ARSH: variants seen among roughly 807,000 people sequenced by gnomAD.
ARSH encodes the protein arylsulfatase H.
A neutral mutation model predicts 28.7 loss-of-function variants in ARSH; 32 were observed. The observed-to-expected ratio is 1.11, with a 90% confidence interval of 0.84 to 1.50. The LOEUF is 1.50. ARSH is among the 40% of genes most tolerant of loss of function. ARSH has a pLI of 0.00. For synonymous variants in ARSH, 176 were observed against 177.3 expected (o/e 0.99, Z 0.06); for missense variants, 440 against 452.4 (o/e 0.97, Z 0.25).
At chrX:3,027,216 C>T (rs1462965270) in intron 6 of ARSH, 97 bp from the exon 7 acceptor site, 15 of 968,243 alleles carry the variant, frequency 1.5e-5, no homozygotes, top group Non-Finnish European at 2.1e-5. Flanking sequence ...CACCTCGGCC[C>T]CCCAAAGTGC....
chrX:3,022,547 G>A (rs2089887183), intron 5 of ARSH, among the ~76,000 whole-genome samples: 1 of 111,995 alleles, frequency 8.9e-6, no homozygotes, highest in African/African-American at 3.2e-5. Context: ...TAGAAATGCA[G>A]TGTGACCTCA....
At chrX:3,013,903 G>C (rs1343849382) in intron 3 of ARSH, among the ~76,000 whole-genome samples, 1 of 111,419 alleles carries the variant, frequency 9.0e-6, no homozygotes, top group Non-Finnish European at 1.9e-5. Flanking sequence ...TTTGAGCAGC[G>C]TTCTTACATC....
chrX:3,013,495 T>C (rs1162970146), intron 3 of ARSH, among the ~76,000 whole-genome samples: 1 of 106,232 alleles, frequency 9.4e-6, no homozygotes, highest in African/African-American at 3.5e-5. Context: ...GAAGTACTGT[T>C]GAAATGGGAA....
At chrX:3,024,859 A>T (rs984771061) in intron 6 of ARSH, among the ~76,000 whole-genome samples, 1 of 110,975 alleles carries the variant, frequency 9.0e-6, no homozygotes, top group African/African-American at 3.3e-5. Flanking sequence ...CAACAGAAAG[A>T]ATAATTTAAA....
chrX:3,008,602 T>G (rs1368339943), intron 1 of ARSH, among the ~76,000 whole-genome samples: 2 of 107,760 alleles, frequency 1.9e-5, no homozygotes, highest in Non-Finnish European at 3.8e-5. Flanking sequence ...CAGACTGGAG[T>G]GCAGTGGCAT....
At position 3,027,462 on chromosome X, in the gene ARSH, T is replaced by G; in HGVS notation, c.1186T>G (p.Leu396Val). The G allele has an allele frequency of 8.3e-7, 1 of 1,211,047 alleles. No individual in the cohort carries two copies. The highest frequency in any genetic ancestry group is 1.1e-6 in the Non-Finnish European group (1 of 895,068). Residue 396 changes from leucine to valine, a missense_variant, in exon 7 of 9, where the codon TTG becomes GTG. Transcript: ENST00000381130. ...PTLSYIGGGILSQDRVIDGQN... is the reference protein window; with the variant it reads ...PTLSYIGGGIVSQDRVIDGQN... ...GCTGTCTTATATAGGCGGAGGGATC[T>G]TGTCCCAGGACAGGTATGGAAACAG...
At chrX:3,022,619 A>G (rs1397510421) in intron 5 of ARSH, among the ~76,000 whole-genome samples, 1 of 112,189 alleles carries the variant, frequency 8.9e-6, no homozygotes, top group African/African-American at 3.2e-5. Context: ...AAGGAAATGA[A>G]TGTTGTTTGG....
chrX:3,022,319 C>T (rs1046174287), intron 5 of ARSH, among the ~76,000 whole-genome samples: 45 of 111,591 alleles, frequency 4.0e-4, no homozygotes, highest in African/African-American at 1.4e-3. Flanking sequence ...TTATGCTGTT[C>T]CCAGAAAGCC....
chrX:3,015,305 A>T lies in ARSH; in HGVS notation c.676A>T (p.Met226Leu). The change falls in exon 4 of 9, where the codon ATG (methionine) becomes TTG (leucine). Residue 226 changes from methionine (M) to leucine (L), a missense_variant. Transcript: ENST00000381130. The stretch of plus-strand genomic sequence containing the variant: ...TACTCGACGTTGGAATTGCATCCTT[A>T]TGAGGAACCATGAAATTATCCAGCA... The part of the protein sequence containing the change: ...GFTRRWNCIL[M>L]RNHEIIQQPM... 1 of 1,211,395 alleles carries T rather than the reference A, an allele frequency of 8.3e-7. No individual in the cohort carries two copies. The highest frequency in any genetic ancestry group is 1.1e-6 in the Non-Finnish European group (1 of 895,367).
chrX:3,012,045 A>G (rs927303768), intron 2 of ARSH, among the ~76,000 whole-genome samples: 7 of 111,173 alleles, frequency 6.3e-5, no homozygotes, highest in African/African-American at 2.3e-4. Flanking sequence ...GTTTCACCAT[A>G]TTAGCCAGGC....
At chrX:3,012,568 A>AAAAT (rs2089851233) in intron 2 of ARSH, among the ~76,000 whole-genome samples, 2 of 21,810 alleles carry the variant, frequency 9.2e-5, no homozygotes, top group African/African-American at 2.5e-4. Context: ...AAAAAAAAAA[A>AAAAT]ATATATATAT....
chrX:3,007,118 G>A (rs1433702718), intron 1 of ARSH, among the ~76,000 whole-genome samples: 2 of 109,305 alleles, frequency 1.8e-5, no homozygotes, highest in Admixed American at 9.8e-5. Flanking sequence ...ACATGGTGGC[G>A]TGTGTCTGTG....
chrX:3,023,112 A>G (rs2089888729), intron 5 of ARSH, among the ~76,000 whole-genome samples: 2 of 105,322 alleles, frequency 1.9e-5, no homozygotes, highest in African/African-American at 6.8e-5. Context: ...TTGTATATGA[A>G]CTATTCTACA....
intron 7 of ARSH, among the ~76,000 whole-genome samples, 165 bp from the exon 8 acceptor site, chrX:3,029,077 CAAAAA>C (rs377018684): frequency 1.2e-5 from 1 of 81,029 alleles, no homozygotes; most frequent in Non-Finnish European, 2.5e-5. Context: ...GACTCCATTT[CAAAAA>C]AAAAAAAAAA....
intron 4 of ARSH, among the ~76,000 whole-genome samples, chrX:3,015,785 T>C (rs1321527875): frequency 9.1e-6 from 1 of 109,706 alleles, no homozygotes; most frequent in Non-Finnish European, 1.9e-5. Context: ...TAGACCCACG[T>C]AACAAACTGG....
intron 1 of ARSH, among the ~76,000 whole-genome samples, chrX:3,008,486 T>TTTCTTTCTTTCTTTCTTTCTTTCTTTC (rs1285794340): frequency 2.9e-5 from 3 of 103,027 alleles, no homozygotes; most frequent in Admixed American, 2.2e-4. Flanking sequence ...TCTTTCTTTC[T>TTTCTTTCTTTCTTTCTTTCTTTCTTTC]TTCTTTCTTT....
At chrX:3,011,022 T>A (rs2089845079) in intron 2 of ARSH, among the ~76,000 whole-genome samples, 1 of 111,380 alleles carries the variant, frequency 9.0e-6, no homozygotes, top group Non-Finnish European at 1.9e-5. Flanking sequence ...TAAAAGTTTT[T>A]GTCCCATAAA....
At chrX:3,023,824 A>G (rs1195335676) in intron 5 of ARSH, among the ~76,000 whole-genome samples, 197 bp from the exon 6 acceptor site, 1 of 109,001 alleles carries the variant, frequency 9.2e-6, no homozygotes, top group African/African-American at 3.3e-5. Flanking sequence ...TGGATATAAT[A>G]TATATTATAT....
intron 1 of ARSH, among the ~76,000 whole-genome samples, chrX:3,008,858 A>G (rs1231603434): frequency 9.0e-6 from 1 of 110,748 alleles, no homozygotes; most frequent in Non-Finnish European, 1.9e-5. Flanking sequence ...TACAGGCGTG[A>G]GCCATCACAC....
Sources: gnomAD v4.1 joint callset for allele counts (sites outside exome capture counted in the v4.1 genomes callset) on GRCh38, gnomAD v4.1.1 for gene constraint, MANE v1.5 for transcripts, NCBI Gene and HGNC (gene_info 2026-07-23, HGNC 2026-07-21) for gene names.